BOLL: variants seen among roughly 807,000 people sequenced by gnomAD.
BOLL encodes the protein protein boule-like.
In BOLL, 23 loss-of-function variants were observed where a neutral mutation model predicts 44.4. That is an observed-to-expected ratio of 0.52 (90% CI 0.37 to 0.73). The LOEUF is 0.73. Among genes scored for constraint, BOLL ranks in the 30% least tolerant of loss-of-function variants. BOLL has a pLI of 0.00. For missense variants in BOLL, 287 were observed against 338.3 expected (o/e 0.85, Z 1.19); for synonymous variants, 97 against 110.8 (o/e 0.88, Z 0.78).
At chr2:197,736,011 C>G (rs1486527297) in intron 10 of BOLL, among the ~76,000 whole-genome samples, 1 of 152,080 alleles carries the variant, frequency 6.6e-6, no homozygotes, top group South Asian at 2.1e-4. Context: ...GACCATCGAA[C>G]TTTTTCTCTG....
At chr2:197,763,474 C>A (rs1308721848) in intron 7 of BOLL, among the ~76,000 whole-genome samples, 1 of 101,854 alleles carries the variant, frequency 9.8e-6, no homozygotes, top group Admixed American at 1.0e-4. Context: ...ACAGAGAGTC[C>A]GTCTTAAAAA....
chr2:197,744,765 A>G (rs1687912899), intron 9 of BOLL, among the ~76,000 whole-genome samples: 1 of 152,224 alleles, frequency 6.6e-6, no homozygotes, highest in South Asian at 2.1e-4. Context: ...CCTGCAAAAT[A>G]GTTTTTCCTG....
chr2:197,737,781 T>C (rs1285124938), intron 10 of BOLL, among the ~76,000 whole-genome samples: 2 of 152,118 alleles, frequency 1.3e-5, no homozygotes, highest in East Asian at 1.9e-4. Flanking sequence ...TAGAAGTAGA[T>C]AGTGGTAGTA....
intron 9 of BOLL, among the ~76,000 whole-genome samples, chr2:197,754,537 G>A (rs184959772): frequency 6.6e-6 from 1 of 152,060 alleles, no homozygotes; most frequent in Admixed American, 6.6e-5. Context: ...GTGAAACCCC[G>A]TCTCTACTAA....
rs1236485959 is a variant in BOLL, at chr2:197,727,218, C to A, written c.*1337G>T. The A allele has an allele frequency of 6.6e-6, 1 of 152,274 alleles. No homozygotes were observed. Among genetic ancestry groups the A allele is most frequent in the East Asian group, 1.9e-4 (1 of 5,338 alleles). 9.4% of individuals were successfully genotyped at this position (152,274 alleles called of 1,614,324 possible). On this transcript the variant is annotated 3_prime_UTR_variant, in exon 11 of 11. Transcript: ENST00000392296. ...TTCATTACAGTTTCAAAAGAAAACA[C>A]CCTATTTGACTCACCAGAAAAACCT...
chr2:197,734,973 AAG>A (rs1487040695), intron 10 of BOLL, among the ~76,000 whole-genome samples: 1 of 152,112 alleles, frequency 6.6e-6, no homozygotes. Flanking sequence ...AATTAAAAAA[AAG>A]AATTCTATTT....
At chr2:197,783,629 G>C (rs945171721) in intron 1 of BOLL, among the ~76,000 whole-genome samples, 12 of 152,170 alleles carry the variant, frequency 7.9e-5, no homozygotes, top group Non-Finnish European at 1.2e-4. Flanking sequence ...TAATTACTAT[G>C]TTGTAGTTTC....
At chr2:197,729,541 C>T (rs1347748587) in intron 10 of BOLL, among the ~76,000 whole-genome samples, 1 of 152,186 alleles carries the variant, frequency 6.6e-6, no homozygotes, top group Non-Finnish European at 1.5e-5. Context: ...GATCAGTAAC[C>T]TCTGCAGACT....
At chr2:197,785,395 G>A, upstream of BOLL, 1 of 985,234 alleles carries the variant, frequency 1.0e-6, no homozygotes, top group Non-Finnish European at 1.2e-6. This position sits in a 1 kb window ranked among gnomAD's most constrained non-coding sequence, Gnocchi z 6.7. Context: ...GCACGTTGCC[G>A]CTGCGCCTCG....
At chr2:197,785,426 C>T (rs1690031953), upstream of BOLL, 1 of 972,022 alleles carries the variant, frequency 1.0e-6, no homozygotes, top group Non-Finnish European at 1.2e-6. The surrounding 1 kb of genome is among the most constrained non-coding windows in gnomAD (Gnocchi z 6.7). Flanking sequence ...GGCAGTCCTC[C>T]TTCACTTCCC....
chr2:197,757,701 T>G (rs1175212525), intron 7 of BOLL, among the ~76,000 whole-genome samples: 1 of 152,092 alleles, frequency 6.6e-6, no homozygotes, highest in Non-Finnish European at 1.5e-5. Context: ...TAAATTAGAT[T>G]TCATCAAAAC....
chr2:197,730,437 C>T (rs1220208187), intron 10 of BOLL, among the ~76,000 whole-genome samples: 2 of 128,904 alleles, frequency 1.6e-5, no homozygotes, highest in Admixed American at 8.0e-5. Context: ...GGCAGGCCAA[C>T]GTTCAGATTC....
chr2:197,779,657 A>G (rs1394684093), intron 2 of BOLL, among the ~76,000 whole-genome samples: 4 of 152,038 alleles, frequency 2.6e-5, no homozygotes, highest in Admixed American at 2.6e-4. Flanking sequence ...AGCTAAATTC[A>G]GACATTGTTT....
intron 6 of BOLL, among the ~76,000 whole-genome samples, chr2:197,768,830 G>T (rs187716854): frequency 6.7e-6 from 1 of 149,122 alleles, no homozygotes; most frequent in South Asian, 2.2e-4. Context: ...TTTGAGATAC[G>T]TTCCATCAAT....
At chr2:197,758,833 T>C (rs958935037) in intron 7 of BOLL, 1 of 751,548 alleles carries the variant, frequency 1.3e-6, no homozygotes, top group African/African-American at 1.8e-5. Flanking sequence ...GAAACTGACA[T>C]ATGTTAACAT....
chr2:197,775,696 T>C lies in BOLL; in HGVS notation c.321A>G (p.Pro107=), dbSNP rs748729175. The C allele has an allele frequency of 1.9e-6, 3 of 1,567,138 alleles. No individual in the cohort carries two copies. Among genetic ancestry groups the C allele is most frequent in the East Asian group, 2.3e-5 (1 of 43,176 alleles). ...NYKDKKLNIG[P]AIRKQQVGIP... ...TCCCTACTTGTTGTTTTCTTATTGC[T>C]GGACCAATGTTCAGCTTCTTATCCT... is the stretch of plus-strand genomic sequence containing the variant. Residue 107 remains proline (P), a synonymous_variant, in exon 5 of 11, where the codon CCA becomes CCG. Coordinates refer to ENST00000392296, the MANE Select transcript of BOLL (RefSeq NM_033030.6).
chr2:197,786,085 C>G (rs566389080), upstream of BOLL: 39 of 1,537,020 alleles, frequency 2.5e-5, no homozygotes, highest in East Asian at 8.6e-4. This position sits in a 1 kb window ranked among gnomAD's most constrained non-coding sequence, Gnocchi z 5.9. Context: ...GGCAGCAGCG[C>G]TGCTTGTCCT....
chr2:197,745,342 T>C (rs966620678), intron 9 of BOLL, among the ~76,000 whole-genome samples: 2 of 152,252 alleles, frequency 1.3e-5, no homozygotes, highest in African/African-American at 4.8e-5. Flanking sequence ...CCCACTCTAT[T>C]CATTAAGTTA....
At chr2:197,757,576 T>G (rs1688573886) in intron 7 of BOLL, among the ~76,000 whole-genome samples, 176 bp from the exon 8 acceptor site, 1 of 151,934 alleles carries the variant, frequency 6.6e-6, no homozygotes, top group Non-Finnish European at 1.5e-5. Flanking sequence ...AGAGCTAAAA[T>G]TATACATCTC....
Sources: allele counts gnomAD v4.1 joint callset (sites outside exome capture counted in the v4.1 genomes callset), GRCh38; gene constraint gnomAD v4.1.1; non-coding constraint Gnocchi (gnomAD v3.1); transcripts MANE v1.5; gene names NCBI Gene and HGNC (gene_info 2026-07-23, HGNC 2026-07-21).